NAALADL2: variants seen among roughly 807,000 people sequenced by gnomAD.
NAALADL2 encodes N-acetylated alpha-linked acidic dipeptidase like 2, also known as inactive N-acetylated-alpha-linked acidic dipeptidase-like protein 2.
NAALADL2 carries 76 observed loss-of-function variants against 87.2 expected under a neutral mutation model. That is an observed-to-expected ratio of 0.87 (90% CI 0.72 to 1.05). The LOEUF (loss-of-function observed/expected upper bound fraction) is 1.05, where lower values mean the gene tolerates loss of function less well. Among genes scored for constraint, NAALADL2 ranks in the 50% least tolerant of loss-of-function variants. The pLI is 0.00. For synonymous variants in NAALADL2, 354 were observed against 331.0 expected, an observed-to-expected ratio of 1.07 and a Z score of -0.75; for missense variants, 1,089 against 945.8, an observed-to-expected ratio of 1.15 and a Z score of -1.99.
chr3:175,064,026 G>A (rs933430528), intron 1 of NAALADL2, among the ~76,000 whole-genome samples: 21 of 152,052 alleles, frequency 1.4e-4, no homozygotes, highest in African/African-American at 4.8e-4. Flanking sequence ...GTAAAACAAT[G>A]TGAAGTTCAG....
At chr3:175,671,687 GA>G (rs1213267950) in intron 11 of NAALADL2, among the ~76,000 whole-genome samples, 1 of 151,414 alleles carries the variant, frequency 6.6e-6, no homozygotes, top group Non-Finnish European at 1.5e-5. Context: ...AATTACTTAG[GA>G]AAAAAAGAGA....
intron 5 of NAALADL2, among the ~76,000 whole-genome samples, chr3:175,368,930 G>C (rs1336429271): frequency 2.6e-5 from 4 of 151,858 alleles, no homozygotes; most frequent in African/African-American, 7.3e-5. Flanking sequence ...CCCTGTATAG[G>C]GCACTTTTCA....
At chr3:175,654,107 G>A (rs1582786459) in intron 11 of NAALADL2, among the ~76,000 whole-genome samples, 1 of 152,108 alleles carries the variant, frequency 6.6e-6, no homozygotes, top group Non-Finnish European at 1.5e-5. Context: ...AGGGGTTAGC[G>A]GCTTTATTGA....
At chr3:175,341,559 T>C (rs1489759360) in intron 5 of NAALADL2, among the ~76,000 whole-genome samples, 4 of 152,124 alleles carry the variant, frequency 2.6e-5, no homozygotes, top group Non-Finnish European at 4.4e-5. Flanking sequence ...TAACTTTGTA[T>C]TTAGTTGTTT....
At chr3:175,727,539 A>T (rs183396171) in intron 11 of NAALADL2, among the ~76,000 whole-genome samples, 9 of 152,316 alleles carry the variant, frequency 5.9e-5, no homozygotes, top group African/African-American at 1.9e-4. Context: ...ATCAGAGGCT[A>T]TTGGAATTCT....
chr3:174,692,640 A>G (rs1728681069), intron 2 of NAALADL2, among the ~76,000 whole-genome samples: 1 of 152,140 alleles, frequency 6.6e-6, no homozygotes, highest in African/African-American at 2.4e-5. Context: ...ACCACCAAAA[A>G]AGAATGTTCG....
At chr3:174,559,016 A>G (rs1260721881) in intron 2 of NAALADL2, among the ~76,000 whole-genome samples, 1 of 152,134 alleles carries the variant, frequency 6.6e-6, no homozygotes, top group African/African-American at 2.4e-5. Context: ...TGCTACATAA[A>G]GCTTGGGTTC....
At chr3:174,796,172 C>T (rs1241830510) in intron 3 of NAALADL2, among the ~76,000 whole-genome samples, 5 of 152,172 alleles carry the variant, frequency 3.3e-5, no homozygotes, top group African/African-American at 1.2e-4. Flanking sequence ...GAGAAGCAGA[C>T]ATCTGCGAGC....
chr3:175,783,839 T>C (rs1351856447), intron 13 of NAALADL2, among the ~76,000 whole-genome samples: 1 of 147,928 alleles, frequency 6.8e-6, no homozygotes. Context: ...GGCTGTGGGT[T>C]TGTCATAGAT....
chr3:175,468,112 A>T (rs1245094822), intron 8 of NAALADL2, among the ~76,000 whole-genome samples: 1 of 152,108 alleles, frequency 6.6e-6, no homozygotes, highest in Non-Finnish European at 1.5e-5. Flanking sequence ...AAGATAAAAT[A>T]TCTATTAAAT....
chr3:175,562,296 A>G (rs556329328), intron 9 of NAALADL2, among the ~76,000 whole-genome samples: 4 of 152,158 alleles, frequency 2.6e-5, no homozygotes, highest in Non-Finnish European at 5.9e-5. Flanking sequence ...GATTGAAGGT[A>G]ATTATAAAGA....
At chr3:175,652,144 T>C (rs1348019258) in intron 11 of NAALADL2, among the ~76,000 whole-genome samples, 1 of 152,150 alleles carries the variant, frequency 6.6e-6, no homozygotes, top group Non-Finnish European at 1.5e-5. Flanking sequence ...CTCTTATACC[T>C]AAGAGCATTT....
At chr3:175,581,930 C>T (rs1053595055) in intron 10 of NAALADL2, among the ~76,000 whole-genome samples, 2 of 152,070 alleles carry the variant, frequency 1.3e-5, no homozygotes, top group Non-Finnish European at 2.9e-5. Context: ...TGTATCTTTT[C>T]TGGGCATCTT....
chr3:175,735,010 GCT>G (rs1241172943), intron 11 of NAALADL2, among the ~76,000 whole-genome samples: 2 of 152,146 alleles, frequency 1.3e-5, no homozygotes, highest in South Asian at 2.1e-4. Context: ...AAATTTTTAT[GCT>G]CTGTTTCCCT....
At chr3:175,315,457 T>C (rs1004540536) in intron 4 of NAALADL2, among the ~76,000 whole-genome samples, 3 of 152,192 alleles carry the variant, frequency 2.0e-5, no homozygotes, top group Non-Finnish European at 4.4e-5. Context: ...ATGGACATTT[T>C]GTATAAACAT....
At chr3:174,483,401 T>C (rs1717679012) in intron 1 of NAALADL2, among the ~76,000 whole-genome samples, 2 of 151,756 alleles carry the variant, frequency 1.3e-5, no homozygotes, top group African/African-American at 4.8e-5. Flanking sequence ...TCACATCTCG[T>C]GAGAATTCAC....
intron 13 of NAALADL2, among the ~76,000 whole-genome samples, chr3:175,792,085 T>C (rs1485472501): frequency 6.6e-6 from 1 of 152,208 alleles, no homozygotes. Flanking sequence ...GTGTAATATG[T>C]TGTTTGTTTT....
chr3:174,665,293 G>A (rs971976788), intron 2 of NAALADL2, among the ~76,000 whole-genome samples: 1 of 152,070 alleles, frequency 6.6e-6, no homozygotes, highest in East Asian at 1.9e-4. Context: ...CTAACGTAGA[G>A]GTAACACATT....
At chr3:174,491,892 T>C (rs1338236204) in intron 1 of NAALADL2, among the ~76,000 whole-genome samples, 1 of 152,218 alleles carries the variant, frequency 6.6e-6, no homozygotes, top group Non-Finnish European at 1.5e-5. Flanking sequence ...ATTTTTTCTC[T>C]ATCAATAAAG....
Sources: gnomAD v4.1 joint callset for allele counts (sites outside exome capture counted in the v4.1 genomes callset) on GRCh38, gnomAD v4.1.1 for gene constraint, MANE v1.5 for transcripts, NCBI Gene and HGNC (gene_info 2026-07-23, HGNC 2026-07-21) for gene names.